Variants in KIAA1549L observed in about 807,000 individuals in gnomAD.
The protein encoded by KIAA1549L is UPF0606 protein KIAA1549L.
A neutral mutation model predicts 160.7 loss-of-function variants in KIAA1549L; 88 were observed. The observed-to-expected ratio is 0.55, with a 90% CI of 0.46 to 0.65. The LOEUF (loss-of-function observed/expected upper bound fraction) is 0.65. KIAA1549L is among the 30% of genes least tolerant of loss of function. The pLI is 0.00. For missense variants in KIAA1549L, 2,258 were observed against 2,437.5 expected (o/e 0.93, Z 1.55); for synonymous variants, 950 against 976.7 (o/e 0.97, Z 0.51).
intron 1 of KIAA1549L, among the ~76,000 whole-genome samples, chr11:33,446,102 T>TC (rs1292016585): frequency 6.6e-6 from 1 of 151,488 alleles, no homozygotes; most frequent in East Asian, 1.9e-4. Context: ...CTGTCTTTTT[T>TC]TTTTTTTTTT....
In KIAA1549L at chr11:33,601,740, G is replaced by A. The variant is rs548201144; in HGVS notation, c.4879+2793G>A. 7.2e-5 allele frequency among the ~76,000 whole-genome samples: 11 copies of A among 152,288 alleles called. No homozygotes were observed. In the South Asian group the frequency reaches 1.2e-3, roughly 17 times the overall value. On this transcript the variant is annotated intron_variant, in intron 13 of 20. Coordinates refer to ENST00000658780, the MANE Select transcript of KIAA1549L (RefSeq NM_012194.3). ...ACTGTTCTTGTTTTCTATCAGGTTT[G>A]TTACATCTGTAGCTTCCAATCTTTT...
intron 1 of KIAA1549L, among the ~76,000 whole-genome samples, chr11:33,390,156 T>G (rs893199391): frequency 3.9e-5 from 6 of 152,230 alleles, no homozygotes; most frequent in Admixed American, 3.9e-4. Flanking sequence ...ACAGAATAAC[T>G]TAACAGTAAC....
chr11:33,453,868 C>T (rs766517820), intron 1 of KIAA1549L, among the ~76,000 whole-genome samples: 1 of 152,166 alleles, frequency 6.6e-6, no homozygotes, highest in Non-Finnish European at 1.5e-5. Context: ...ATGATTAGTT[C>T]ATTCAATATC....
intron 1 of KIAA1549L, among the ~76,000 whole-genome samples, chr11:33,523,276 A>G (rs1474109782): frequency 6.6e-6 from 1 of 152,238 alleles, no homozygotes; most frequent in Admixed American, 6.5e-5. Context: ...CAGTCAACTC[A>G]TTTGGGGATT....
chr11:33,583,268 G>T (rs946828485), intron 10 of KIAA1549L, 70 bp from the exon 11 acceptor site: 1 of 1,432,304 alleles, frequency 7.0e-7, no homozygotes, highest in African/African-American at 1.4e-5. Context: ...GGGGTGGGGG[G>T]TTATGTCTGG....
At chr11:33,643,667 A>G (rs967751887) in intron 16 of KIAA1549L, among the ~76,000 whole-genome samples, 3 of 152,160 alleles carry the variant, frequency 2.0e-5, no homozygotes, top group South Asian at 2.1e-4. Flanking sequence ...CAGGATGTGC[A>G]TGGGTCAGGA....
intron 5 of KIAA1549L, 45 bp from the exon 6 acceptor site, chr11:33,552,063 A>C: frequency 6.2e-7 from 1 of 1,604,406 alleles, no homozygotes; most frequent in Non-Finnish European, 8.5e-7. Flanking sequence ...CAAGGAACTG[A>C]GACATGGAGC....
Position 33,669,152 on chromosome 11 carries a change from T to C in KIAA1549L, c.*998T>C, listed in dbSNP as rs567014986. 11 of 152,352 alleles carry C rather than the reference T, an allele frequency of 7.2e-5. No homozygotes were observed. Among genetic ancestry groups the C allele is most frequent in the African/African-American group, 2.6e-4 (11 of 41,588 alleles). 9.4% of individuals were successfully genotyped at this position (152,352 alleles called of 1,614,324 possible). A position where few individuals can be genotyped will look rare whatever the true frequency, so the allele number is the denominator to read the frequency against. ...AAACAGGAGTGGTAGAACCACAGTCTTCCCAGGCCGCAGCCTCTGTTTATA... is the reference window on the plus strand; with the variant it reads ...AAACAGGAGTGGTAGAACCACAGTCCTCCCAGGCCGCAGCCTCTGTTTATA... On this transcript the variant is annotated 3_prime_UTR_variant, in exon 21 of 21. Coordinates refer to ENST00000658780, the MANE Select transcript of KIAA1549L (RefSeq NM_012194.3).
At chr11:33,556,746 G>A (rs1402482028) in intron 6 of KIAA1549L, among the ~76,000 whole-genome samples, 1 of 152,112 alleles carries the variant, frequency 6.6e-6, no homozygotes, top group African/African-American at 2.4e-5. Context: ...TTGTTTAGTG[G>A]GTACAGAGTT....
At chr11:33,624,576 G>C (rs1851044768) in intron 16 of KIAA1549L, among the ~76,000 whole-genome samples, 1 of 151,594 alleles carries the variant, frequency 6.6e-6, no homozygotes, top group Non-Finnish European at 1.5e-5. Context: ...AAAGAAAAAG[G>C]AAAAAAAACT....
chr11:33,423,755 C>T (rs576164485), intron 1 of KIAA1549L, among the ~76,000 whole-genome samples: 5 of 152,282 alleles, frequency 3.3e-5, no homozygotes, highest in South Asian at 2.1e-4. Flanking sequence ...AGGCTGAGTG[C>T]GGTGGCTCAT....
At chr11:33,495,372 C>T (rs1245440418) in intron 1 of KIAA1549L, among the ~76,000 whole-genome samples, 58 of 149,932 alleles carry the variant, frequency 3.9e-4, no homozygotes, top group Non-Finnish European at 8.0e-4. Flanking sequence ...TGAGAATATG[C>T]GGTGTTTGGT....
chr11:33,666,160 G>T (rs940128793), intron 20 of KIAA1549L, among the ~76,000 whole-genome samples: 3 of 152,062 alleles, frequency 2.0e-5, no homozygotes, highest in African/African-American at 7.2e-5. Flanking sequence ...CCACCCAGGA[G>T]GGCAGGGCTC....
At chr11:33,569,805 A>G (rs1855182471) in intron 9 of KIAA1549L, among the ~76,000 whole-genome samples, 1 of 152,180 alleles carries the variant, frequency 6.6e-6, no homozygotes, top group South Asian at 2.1e-4. Context: ...TGTAGGTTCC[A>G]TGTGAGCTCT....
At chr11:33,485,258 G>A (rs535715274) in intron 1 of KIAA1549L, among the ~76,000 whole-genome samples, 178 of 152,242 alleles carry the variant, frequency 1.2e-3, no homozygotes, top group Non-Finnish European at 1.1e-3. Context: ...TCAAGAATCT[G>A]TAGTTTCTTT....
At chr11:33,463,276 A>T (rs146637998) in intron 1 of KIAA1549L, among the ~76,000 whole-genome samples, 60 of 152,300 alleles carry the variant, frequency 3.9e-4, no homozygotes, top group African/African-American at 1.4e-3. Context: ...CAATCCCAGG[A>T]AGCATAGTCA....
At chr11:33,635,282 G>T (rs533635807) in intron 16 of KIAA1549L, among the ~76,000 whole-genome samples, 3 of 152,210 alleles carry the variant, frequency 2.0e-5, no homozygotes, top group Non-Finnish European at 4.4e-5. Context: ...AAAAGACTCC[G>T]ATTGGTGGAA....
chr11:33,545,909 CA>C (rs1339996886), intron 3 of KIAA1549L, among the ~76,000 whole-genome samples: 2 of 152,154 alleles, frequency 1.3e-5, no homozygotes, highest in Non-Finnish European at 2.9e-5. Flanking sequence ...TGCATTTTTT[CA>C]ATTAGCTGAT....
At chr11:33,466,935 C>T (rs1005713304) in intron 1 of KIAA1549L, among the ~76,000 whole-genome samples, 2 of 51,698 alleles carry the variant, frequency 3.9e-5, no homozygotes, top group Non-Finnish European at 7.0e-5. Flanking sequence ...ACATGGACAC[C>T]GGGAGGGGGA....
Sources: gnomAD v4.1 joint callset for allele counts (sites outside exome capture counted in the v4.1 genomes callset) on GRCh38, gnomAD v4.1.1 for gene constraint, MANE v1.5 for transcripts, NCBI Gene and HGNC (gene_info 2026-07-23, HGNC 2026-07-21) for gene names.